Variants in NTN4 observed in about 807,000 individuals in gnomAD.
NTN4 encodes the protein netrin-4.
NTN4 carries 32 observed loss-of-function variants against 73.6 expected under a neutral mutation model. The observed-to-expected ratio is 0.44, with a 90% CI of 0.33 to 0.58. The LOEUF (loss-of-function observed/expected upper bound fraction) is 0.58. NTN4 is among the 20% of genes least tolerant of loss of function. NTN4 has a pLI of 0.04. For synonymous variants in NTN4, 258 were observed against 287.5 expected (o/e 0.90, Z 1.04); for missense variants, 654 against 798.3 (o/e 0.82, Z 2.18).
rs139745925 is a variant in NTN4, at chr12:95,682,695, C to T, written c.1510+12G>A. 206 of 1,565,944 alleles carry T rather than the reference C, an allele frequency of 1.3e-4. No individual in the cohort carries two copies. In the African/African-American group the frequency reaches 2.0e-3, roughly 15 times the overall value. On this transcript the variant is annotated intron_variant, in intron 7 of 9. Coordinates refer to ENST00000343702, the MANE Select transcript of NTN4 (RefSeq NM_021229.4). ...GACCTGAAAATATGATGCCTGGTTA[C>T]ATCCATCTCACCTGAGTGTAGAAGT...
chr12:95,748,240 AAAAAAAAAG>A (rs1287494241), intron 2 of NTN4, among the ~76,000 whole-genome samples: 1 of 149,678 alleles, frequency 6.7e-6, no homozygotes, highest in Non-Finnish European at 1.5e-5. Context: ...CAAAAAAAAA[AAAAAAAAAG>A]AAAAGAAAAG....
chr12:95,729,639 GT>G (rs2078723575), intron 3 of NTN4, among the ~76,000 whole-genome samples: 1 of 115,764 alleles, frequency 8.6e-6, no homozygotes, highest in Non-Finnish European at 1.7e-5. Flanking sequence ...GAGAGTGTGT[GT>G]GTGTGTGTGT....
intron 3 of NTN4, among the ~76,000 whole-genome samples, chr12:95,733,809 C>A (rs12316728): frequency 0.14 from 21,644 of 152,028 alleles, 2,686 homozygotes; most frequent in African/African-American, 0.34. Flanking sequence ...GTGGCTCATG[C>A]CTGTAATCCC....
intron 5 of NTN4, among the ~76,000 whole-genome samples, chr12:95,686,996 G>A (rs1193695340): frequency 3.3e-5 from 5 of 152,190 alleles, no homozygotes; most frequent in African/African-American, 1.2e-4. Flanking sequence ...TCCTGGAAAT[G>A]CTACTCTCTC....
intron 3 of NTN4, among the ~76,000 whole-genome samples, chr12:95,717,531 C>T (rs142097770): frequency 5.3e-5 from 8 of 152,050 alleles, no homozygotes; most frequent in African/African-American, 1.7e-4. Context: ...CCAAAAATAG[C>T]TGTAAATCAT....
Position 95,741,860 on chromosome 12 carries a change from C to T in NTN4, c.586-3716G>A, listed in dbSNP as rs540864722. Among the ~76,000 whole-genome samples, 3 of 152,094 alleles carry T rather than the reference C, an allele frequency of 2.0e-5. 1 individual carries two copies. Among genetic ancestry groups the T allele is most frequent in the African/African-American group, 7.2e-5 (3 of 41,510 alleles). Reference sequence around the variant, plus strand: ...TGAAACCACGGTAAGTGAAACTGCACATAAGGGAGGACTACTGTAATAATT... The same window carrying T: ...TGAAACCACGGTAAGTGAAACTGCATATAAGGGAGGACTACTGTAATAATT... On this transcript the variant is annotated intron_variant, in intron 2 of 9. Coordinates refer to ENST00000343702, the MANE Select transcript of NTN4 (RefSeq NM_021229.4).
intron 3 of NTN4, among the ~76,000 whole-genome samples, chr12:95,725,006 A>T (rs77035460): frequency 7.4e-6 from 1 of 135,846 alleles, no homozygotes; most frequent in Admixed American, 7.4e-5. Flanking sequence ...TGTCATCAGG[A>T]TTTTTTTTTT....
chr12:95,765,204 C>G (rs2079012608), intron 2 of NTN4, among the ~76,000 whole-genome samples: 1 of 152,208 alleles, frequency 6.6e-6, no homozygotes, highest in Non-Finnish European at 1.5e-5. Flanking sequence ...ATTCATAACA[C>G]AGTTCAAAAA....
At chr12:95,708,134 TTAAA>T (rs2078533807) in intron 5 of NTN4, among the ~76,000 whole-genome samples, 2 of 152,146 alleles carry the variant, frequency 1.3e-5, no homozygotes, top group Admixed American at 1.3e-4. Flanking sequence ...GTAATTATCT[TTAAA>T]TAAGGTATTT....
At chr12:95,759,802 C>G (rs1208423038) in intron 2 of NTN4, among the ~76,000 whole-genome samples, 1 of 152,078 alleles carries the variant, frequency 6.6e-6, no homozygotes, top group East Asian at 1.9e-4. Context: ...TTGTATTTTT[C>G]ATCTTTAGAA....
intron 2 of NTN4, among the ~76,000 whole-genome samples, chr12:95,758,368 C>T (rs1229687237): frequency 6.6e-6 from 1 of 152,162 alleles, no homozygotes; most frequent in Non-Finnish European, 1.5e-5. Context: ...GACATGCATC[C>T]TCTTCTCTGG....
At chr12:95,750,379 C>T (rs145814099) in intron 2 of NTN4, among the ~76,000 whole-genome samples, 38,699 of 151,830 alleles carry the variant, frequency 0.25, 5,305 homozygotes, top group Non-Finnish European at 0.32. Context: ...CCTTCTACTC[C>T]CTTGGCCTGT....
At chr12:95,677,843 C>A (rs1357911461) in intron 7 of NTN4, among the ~76,000 whole-genome samples, 1 of 152,230 alleles carries the variant, frequency 6.6e-6, no homozygotes, top group East Asian at 1.9e-4. Context: ...TGGGTATACA[C>A]CCAAAGGATT....
intron 2 of NTN4, among the ~76,000 whole-genome samples, chr12:95,771,150 C>T (rs895041743): frequency 5.9e-5 from 9 of 151,940 alleles, no homozygotes; most frequent in Admixed American, 2.6e-4. Flanking sequence ...CTACCACGCC[C>T]GGCTAATTTT....
chr12:95,790,297 C>T lies in NTN4; in HGVS notation c.13G>A (p.Ala5Thr). MGSC[A>T]RLLLLWGCTV... The stretch of plus-strand genomic sequence containing the variant: ...CAGCCCCAGAGCAGCAGCAGCCGCG[C>T]GCAGCTCCCCATGGCCGGGAGGAGC... Residue 5 changes from alanine to threonine, a missense_variant, in exon 1 of 10, where the codon GCG becomes ACG. By Grantham distance (58) the Ala-to-Thr change is moderately conservative. Transcript: ENST00000343702. The surrounding 1 kb of genome is among the most constrained non-coding windows in gnomAD (Gnocchi z 6.5). The T allele has an allele frequency of 1.3e-6, 2 of 1,532,176 alleles. No individual in the cohort carries two copies. The highest frequency in any genetic ancestry group is 1.8e-6 in the Non-Finnish European group (2 of 1,139,970). 94.9% of individuals were successfully genotyped at this position (1,532,176 alleles called of 1,614,324 possible). A position where few individuals can be genotyped will look rare whatever the true frequency, so the allele number is the denominator to read the frequency against.
chr12:95,754,142 C>A (rs1221904196), intron 2 of NTN4, among the ~76,000 whole-genome samples: 4 of 152,152 alleles, frequency 2.6e-5, no homozygotes, highest in Non-Finnish European at 5.9e-5. Context: ...ATTCTTAGAC[C>A]TTTTATACCT....
At chr12:95,735,903 ATTTTTATTTATTTATTTATT>A (rs1444049687) in intron 3 of NTN4, among the ~76,000 whole-genome samples, 14 of 141,376 alleles carry the variant, frequency 9.9e-5, no homozygotes, top group South Asian at 2.2e-4. Context: ...TTTTTTTTAA[ATTTTTATTTATTTATTTATT>A]TATTTATTTA....
At chr12:95,672,207 G>A (rs1352170120) in intron 7 of NTN4, 1 of 573,930 alleles carries the variant, frequency 1.7e-6, no homozygotes, top group Non-Finnish European at 3.2e-6. Context: ...TCGGGTTGCG[G>A]GGGGCGGGCG....
chr12:95,783,299 C>T (rs1479160445), intron 2 of NTN4, among the ~76,000 whole-genome samples: 1 of 152,178 alleles, frequency 6.6e-6, no homozygotes, highest in East Asian at 1.9e-4. Context: ...AATGTCACAT[C>T]CTAAATCTCC....
Sources: gnomAD v4.1 joint callset for allele counts (sites outside exome capture counted in the v4.1 genomes callset) on GRCh38, gnomAD v4.1.1 for gene constraint, Gnocchi (gnomAD v3.1) non-coding constraint, MANE v1.5 for transcripts, NCBI Gene and HGNC (gene_info 2026-07-23, HGNC 2026-07-21) for gene names.